DOCK1: variants seen among roughly 807,000 people sequenced by gnomAD.
The protein encoded by DOCK1 is dedicator of cytokinesis 1, also known as dedicator of cytokinesis protein 1.
Under a neutral mutation model 262.7 loss-of-function variants are expected in DOCK1, and 138 were observed. The ratio of observed to expected loss-of-function variants is 0.53; its 90% CI spans 0.46 to 0.61. The LOEUF (loss-of-function observed/expected upper bound fraction) is 0.61. Among genes scored for constraint, DOCK1 ranks in the 20% least tolerant of loss-of-function variants. The probability of loss-of-function intolerance (pLI) is 0.00; values close to 1 mark genes in which losing one functional copy is unlikely to be tolerated. For synonymous variants in DOCK1, 866 were observed against 867.4 expected, an observed-to-expected ratio of 1.00 and a Z score of 0.03; for missense variants, 1,908 against 2,370.7, an observed-to-expected ratio of 0.80 and a Z score of 4.05.
intron 27 of DOCK1, among the ~76,000 whole-genome samples, chr10:127,145,368 A>G (rs1179274207): frequency 6.6e-6 from 1 of 152,186 alleles, no homozygotes; most frequent in South Asian, 2.1e-4. Context: ...CCATCCCCCT[A>G]GGAAGCCAGG....
chr10:127,303,620 A>T (rs75692556), intron 29 of DOCK1, among the ~76,000 whole-genome samples: 2 of 151,408 alleles, frequency 1.3e-5, no homozygotes, highest in African/African-American at 4.9e-5. Flanking sequence ...ACACTTTGGG[A>T]GGCCACAGTA....
intron 37 of DOCK1, among the ~76,000 whole-genome samples, 188 bp from the exon 38 acceptor site, chr10:127,384,602 C>T (rs537441605): frequency 1.3e-5 from 2 of 152,228 alleles, no homozygotes; most frequent in Non-Finnish European, 2.9e-5. Flanking sequence ...TATGCCTCCC[C>T]TGTGTCTTTT....
chr10:127,228,834 CATG>C (rs1200371794), intron 27 of DOCK1, among the ~76,000 whole-genome samples: 1 of 152,160 alleles, frequency 6.6e-6, no homozygotes, highest in Non-Finnish European at 1.5e-5. Context: ...TGATGTACGA[CATG>C]ATGTTTTGAT....
At chr10:127,250,787 G>A (rs1279654853) in intron 28 of DOCK1, among the ~76,000 whole-genome samples, 7 of 42,316 alleles carry the variant, frequency 1.7e-4, no homozygotes, top group Non-Finnish European at 2.3e-4. Flanking sequence ...GTGAGACTCC[G>A]TCTCAAAAAA....
At chr10:127,359,641 A>G (rs930292469) in intron 32 of DOCK1, among the ~76,000 whole-genome samples, 7 of 152,252 alleles carry the variant, frequency 4.6e-5, no homozygotes, top group African/African-American at 7.2e-5. Flanking sequence ...GAATCACACA[A>G]TGATAGCCTT....
At chr10:127,261,776 T>G (rs534518496) in intron 29 of DOCK1, among the ~76,000 whole-genome samples, 48 of 140,910 alleles carry the variant, frequency 3.4e-4, no homozygotes, top group East Asian at 3.1e-3. Flanking sequence ...TGGGTGTGTG[T>G]GTGTGTACCT....
intron 27 of DOCK1, among the ~76,000 whole-genome samples, chr10:127,131,152 C>T (rs1390679511): frequency 2.0e-5 from 3 of 152,092 alleles, no homozygotes; most frequent in African/African-American, 2.4e-5. Context: ...GGTGTGACAG[C>T]GAGGACCCAT....
In DOCK1 at chr10:127,043,173, C is replaced by G. The variant is rs972810924; in HGVS notation, c.2201+9C>G. 2 of 1,592,514 alleles carry G rather than the reference C, an allele frequency of 1.3e-6. No individual in the cohort carries two copies. The highest frequency in any genetic ancestry group is 1.7e-6 in the Non-Finnish European group (2 of 1,166,624). ...GCAACGTTAGCCTACACGTAAGTTC[C>G]TACTTTGTTTTAAAACCAATACTTC... On this transcript the variant is annotated intron_variant, in intron 21 of 51. Coordinates refer to ENST00000623213, the MANE Select transcript of DOCK1 (RefSeq NM_001290223.2).
At chr10:127,259,028 C>T (rs577035018) in intron 29 of DOCK1, among the ~76,000 whole-genome samples, 29 of 152,254 alleles carry the variant, frequency 1.9e-4, no homozygotes, top group African/African-American at 6.5e-4. Context: ...CAAACCTCCC[C>T]GAGGGGTAAG....
intron 29 of DOCK1, among the ~76,000 whole-genome samples, chr10:127,262,820 G>A (rs1206396097): frequency 1.3e-5 from 2 of 152,202 alleles, no homozygotes; most frequent in African/African-American, 4.8e-5. Flanking sequence ...GGGATGTCAC[G>A]TGCCATCACG....
intron 17 of DOCK1, 131 bp from the exon 18 acceptor site, chr10:127,032,006 T>A: frequency 8.3e-7 from 1 of 1,206,272 alleles, no homozygotes; most frequent in Non-Finnish European, 1.2e-6. Context: ...AGGGAAATTA[T>A]TAAAATGTGT....
chr10:127,026,516 C>T, intron 16 of DOCK1, 92 bp downstream of exon 16: 1 of 1,155,570 alleles, frequency 8.7e-7, no homozygotes, highest in East Asian at 2.6e-5. Context: ...CTGGAACTCG[C>T]TATCATAACA....
intron 1 of DOCK1, among the ~76,000 whole-genome samples, chr10:126,911,622 G>T (rs1321534883): frequency 6.6e-6 from 1 of 152,124 alleles, no homozygotes; most frequent in Non-Finnish European, 1.5e-5. Flanking sequence ...TTGAGTTTTA[G>T]CCCTGACAAG....
chr10:127,304,106 G>A (rs1004532503), intron 29 of DOCK1, among the ~76,000 whole-genome samples: 1 of 152,160 alleles, frequency 6.6e-6, no homozygotes, highest in Non-Finnish European at 1.5e-5. Context: ...CGTGCCAAGC[G>A]ATGGGGAACA....
chr10:127,258,278 C>G (rs11591434), intron 29 of DOCK1, among the ~76,000 whole-genome samples: 109,582 of 152,016 alleles, frequency 0.72, 40,245 homozygotes, highest in South Asian at 0.82. Context: ...CCCAATTATA[C>G]CCACATATAC....
At chr10:127,186,569 T>TATGGAGA (rs2134035596) in intron 27 of DOCK1, among the ~76,000 whole-genome samples, 1 of 133,196 alleles carries the variant, frequency 7.5e-6, no homozygotes, top group Admixed American at 8.3e-5. Context: ...ACATGGGGAT[T>TATGGAGA]ATGGAGATTA....
chr10:127,092,691 C>G (rs947962836), intron 23 of DOCK1, among the ~76,000 whole-genome samples: 4 of 152,260 alleles, frequency 2.6e-5, no homozygotes, highest in Admixed American at 6.5e-5. Flanking sequence ...ACCATGTTGC[C>G]AGGCTAGTCT....
intron 27 of DOCK1, among the ~76,000 whole-genome samples, chr10:127,242,601 C>T (rs755053192): frequency 9.2e-5 from 14 of 152,014 alleles, no homozygotes; most frequent in African/African-American, 2.7e-4. Context: ...GGCTTGAATG[C>T]GCCCCAAAAG....
chr10:127,278,102 T>G (rs1390106336), intron 29 of DOCK1, among the ~76,000 whole-genome samples: 1 of 152,186 alleles, frequency 6.6e-6, no homozygotes, highest in Non-Finnish European at 1.5e-5. Context: ...AGGGGAGCTA[T>G]TCAGTGGAAC....
Sources: gnomAD v4.1 joint callset for allele counts (sites outside exome capture counted in the v4.1 genomes callset) on GRCh38, gnomAD v4.1.1 for gene constraint, MANE v1.5 for transcripts, NCBI Gene and HGNC (gene_info 2026-07-23, HGNC 2026-07-21) for gene names.